The following SPPL3 variants were observed in gnomAD, a reference collection of about 807,000 sequenced individuals.
SPPL3 encodes signal peptide peptidase like 3.
SPPL3 carries 5 observed loss-of-function variants against 42.4 expected under a neutral mutation model. The ratio of observed to expected loss-of-function variants is 0.12; its 90% CI spans 0.06 to 0.25. The LOEUF (loss-of-function observed/expected upper bound fraction) is 0.25, where lower values mean the gene tolerates loss of function less well. Ranked by LOEUF, SPPL3 falls within the 10% of genes least tolerant of loss-of-function variation. The pLI is 1.00. For synonymous variants in SPPL3, 195 were observed against 181.8 expected (o/e 1.07, Z -0.58); for missense variants, 235 against 489.0 (o/e 0.48, Z 4.90).
chr12:120,770,425 T>G (rs904102497), intron 6 of SPPL3, among the ~76,000 whole-genome samples: 4 of 152,142 alleles, frequency 2.6e-5, no homozygotes, highest in Non-Finnish European at 5.9e-5. Context: ...CCCATATATT[T>G]CCCATAAATT....
At chr12:120,809,977 A>ATTT (rs575551744) in intron 2 of SPPL3, among the ~76,000 whole-genome samples, 28 of 148,506 alleles carry the variant, frequency 1.9e-4, no homozygotes, top group South Asian at 4.3e-4. Flanking sequence ...ACATAAAAAA[A>ATTT]TTTTTTTTTT....
At chr12:120,806,668 G>A (rs1870503612) in intron 2 of SPPL3, among the ~76,000 whole-genome samples, 1 of 151,934 alleles carries the variant, frequency 6.6e-6, no homozygotes, top group Non-Finnish European at 1.5e-5. Context: ...CAAACACTGT[G>A]AAACCACGTC....
At chr12:120,773,006 G>A (rs1869178790) in intron 6 of SPPL3, among the ~76,000 whole-genome samples, 1 of 152,070 alleles carries the variant, frequency 6.6e-6, no homozygotes, top group South Asian at 2.1e-4. Context: ...AACCAACCTG[G>A]TAAAATGTAT....
intron 2 of SPPL3, among the ~76,000 whole-genome samples, chr12:120,805,699 T>C (rs927363736): frequency 6.6e-6 from 1 of 152,100 alleles, no homozygotes; most frequent in Admixed American, 6.5e-5. Flanking sequence ...AAAAATTAAT[T>C]GTAGTTCTAT....
chr12:120,884,232 A>G (rs969653756), intron 1 of SPPL3, among the ~76,000 whole-genome samples: 2 of 152,172 alleles, frequency 1.3e-5, no homozygotes, highest in African/African-American at 4.8e-5. Context: ...AGGACAAAGG[A>G]GAGTACAAAG....
chr12:120,884,843 A>G (rs1168807707), intron 1 of SPPL3, among the ~76,000 whole-genome samples: 2 of 146,706 alleles, frequency 1.4e-5, no homozygotes, highest in Non-Finnish European at 3.0e-5. Context: ...AAAGGTAACA[A>G]TGGTGTGTGA....
intron 1 of SPPL3, among the ~76,000 whole-genome samples, chr12:120,854,442 C>G (rs911624888): frequency 6.6e-6 from 1 of 152,076 alleles, no homozygotes. Context: ...GTAAGCAAGC[C>G]AACAGCACAG....
intron 2 of SPPL3, among the ~76,000 whole-genome samples, chr12:120,793,115 G>C (rs575312204): frequency 2.0e-5 from 3 of 152,126 alleles, no homozygotes; most frequent in Non-Finnish European, 2.9e-5. Context: ...AATGAACAAA[G>C]GATCTGAAGA....
intron 1 of SPPL3, among the ~76,000 whole-genome samples, chr12:120,894,658 A>T (rs112328889): frequency 6.6e-6 from 1 of 152,068 alleles, no homozygotes; most frequent in Non-Finnish European, 1.5e-5. Context: ...AAACAGATAA[A>T]CTACTGGCCA....
Position 120,877,551 on chromosome 12 carries a change from C to T in SPPL3, c.23+26294G>A, listed in dbSNP as rs915703375. On this transcript the variant is annotated intron_variant, in intron 1 of 10. Transcript: ENST00000353487. The stretch of plus-strand genomic sequence containing the variant: ...ATCCCAGCACTTTGGGAGGCCGAGG[C>T]GGGTGGATCACCCAAGGTCAGGAGT... Among the ~76,000 whole-genome samples the T allele has an allele frequency of 3.9e-5, 6 of 152,206 alleles. No individual in the cohort carries two copies. The South Asian group carries it at 6.2e-4, about 16-fold the overall frequency.
chr12:120,799,214 G>A (rs1870207531), intron 2 of SPPL3, among the ~76,000 whole-genome samples: 1 of 152,126 alleles, frequency 6.6e-6, no homozygotes, highest in Non-Finnish European at 1.5e-5. Flanking sequence ...CTCAGAACAC[G>A]TACATTAGCC....
chr12:120,900,785 GGTT>G (rs1335782065), intron 1 of SPPL3, among the ~76,000 whole-genome samples: 1 of 151,926 alleles, frequency 6.6e-6, no homozygotes, highest in East Asian at 1.9e-4. Context: ...TAGCAGACGT[GGTT>G]GTGCACGTCT....
chr12:120,781,495 T>C (rs964325126), intron 6 of SPPL3, among the ~76,000 whole-genome samples: 4 of 149,890 alleles, frequency 2.7e-5, no homozygotes, highest in African/African-American at 9.9e-5. Context: ...ACTACATATA[T>C]AATATAGAGC....
At chr12:120,895,408 C>T (rs1873769619) in intron 1 of SPPL3, among the ~76,000 whole-genome samples, 1 of 146,108 alleles carries the variant, frequency 6.8e-6, no homozygotes, top group African/African-American at 2.5e-5. Flanking sequence ...GCCTGGGTGA[C>T]AAGAGCGAAA....
At chr12:120,901,110 A>T (rs1318535552) in intron 1 of SPPL3, among the ~76,000 whole-genome samples, 1 of 152,158 alleles carries the variant, frequency 6.6e-6, no homozygotes, top group Non-Finnish European at 1.5e-5. Context: ...GTCAAACAAA[A>T]TAAAGCATCA....
intron 1 of SPPL3, 51 bp from the exon 2 acceptor site, chr12:120,810,937 G>A (rs1311419128): frequency 7.4e-7 from 1 of 1,345,386 alleles, no homozygotes; most frequent in Admixed American, 1.7e-5. Flanking sequence ...GAGTCCTAAT[G>A]GAGCTTACAG....
chr12:120,768,281 G>C, intron 8 of SPPL3, 44 bp downstream of exon 8: 1 of 1,575,128 alleles, frequency 6.3e-7, no homozygotes, highest in Non-Finnish European at 8.6e-7. Flanking sequence ...GGAACAGATA[G>C]GCACAGGAAG....
rs3050392 is a variant in SPPL3 at position 120,789,824 on chromosome 12, C to CAAAAAAAAAAAAAAA, written c.190+1630_190+1644dup. ...TGAATGACAGAGCAAGACTCCGTCTCAAAAAAAAAAAAAAAAAAAAAAAAA... is the reference window on the plus strand; with the variant it reads ...TGAATGACAGAGCAAGACTCCGTCTCAAAAAAAAAAAAAAAAAAAAAAAAAAAAAAAAAAAAAAAA... On this transcript the variant is annotated intron_variant, in intron 3 of 10. Coordinates refer to ENST00000353487, the MANE Select transcript of SPPL3 (RefSeq NM_139015.5). Among the ~76,000 whole-genome samples, 24 of 30,464 alleles carry CAAAAAAAAAAAAAAA rather than the reference C, an allele frequency of 7.9e-4. 3 individuals are homozygous for CAAAAAAAAAAAAAAA. The highest frequency in any genetic ancestry group is 5.6e-3 in the East Asian group (3 of 532). The allele number at this position is 30,464 out of a possible 152,430, so 20.0% of individuals were successfully genotyped here.
chr12:120,803,869 G>C (rs1185361838), intron 2 of SPPL3, among the ~76,000 whole-genome samples: 2 of 138,534 alleles, frequency 1.4e-5, no homozygotes, highest in African/African-American at 4.9e-5. Context: ...GTTATGGAAT[G>C]ACAAAAAGGG....
Sources: gnomAD v4.1 joint callset for allele counts (sites outside exome capture counted in the v4.1 genomes callset) on GRCh38, gnomAD v4.1.1 for gene constraint, MANE v1.5 for transcripts, NCBI Gene and HGNC (gene_info 2026-07-23, HGNC 2026-07-21) for gene names.